Variants in ATP2C2 observed in about 807,000 individuals in gnomAD.
ATP2C2 encodes the protein ATPase secretory pathway Ca2+ transporting 2, also known as calcium-transporting ATPase type 2C member 2.
ATP2C2 carries 171 observed loss-of-function variants against 110.8 expected under a neutral mutation model. The observed-to-expected ratio is 1.54, with a 90% CI of 1.36 to 1.75. The LOEUF is 1.75. Ranked by LOEUF, ATP2C2 falls within the 40% of genes most tolerant of loss-of-function variation. The pLI is 0.00. For missense variants in ATP2C2, 1,963 were observed against 1,235.0 expected (o/e 1.59, Z -8.84); for synonymous variants, 804 against 508.4 (o/e 1.58, Z -7.82).
intron 26 of ATP2C2, 147 bp from the exon 27 acceptor site, chr16:84,463,467 G>A (rs935084884): frequency 1.5e-6 from 1 of 681,326 alleles, no homozygotes; most frequent in South Asian, 1.8e-5. Flanking sequence ...TTCTGGGTTA[G>A]GAAGATCTCC....
At chr16:84,402,073 A>G (rs1044657504) in intron 2 of ATP2C2, among the ~76,000 whole-genome samples, 8 of 151,786 alleles carry the variant, frequency 5.3e-5, no homozygotes, top group African/African-American at 1.7e-4. Flanking sequence ...TAGATATTTA[A>G]TTTGCAGCTG....
rs554752633 is a variant in ATP2C2 at position 84,408,587 on chromosome 16, T to C, written c.417+93T>C. On this transcript the variant is annotated intron_variant, in intron 4 of 26. Transcript: ENST00000262429. ...TTGTATATAAAGAAAAAAAAGAGTT[T>C]GCTGTAGGGGGGAAAAAGGAGCATA... 2.0e-4 allele frequency: 200 copies of C among 998,272 alleles called. 2 individuals are homozygous for C. In the African/African-American group the frequency reaches 3.2e-3, roughly 16 times the overall value. The allele number at this position is 998,272 out of a possible 1,614,324, so 61.8% of individuals were successfully genotyped here.
rs1315503951 is a variant in ATP2C2, at chr16:84,463,973, T to C, written c.*241T>C. On this transcript the variant is annotated 3_prime_UTR_variant, in exon 27 of 27. Transcript: ENST00000262429. The stretch of plus-strand genomic sequence containing the variant: ...AGGGGCCTGTACAGAAACACCACAC[T>C]GTTTATTAAATCACAATGATTTTTA... 1 of 456,498 alleles carries C rather than the reference T, an allele frequency of 2.2e-6. No individual in the cohort carries two copies. Among genetic ancestry groups the C allele is most frequent in the African/African-American group, 1.9e-5 (1 of 51,388 alleles). The allele number at this position is 456,498 out of a possible 1,614,324, so 28.3% of individuals were successfully genotyped here.
Position 84,424,760 on chromosome 16 carries a change from G to A in ATP2C2, c.920-975G>A, listed in dbSNP as rs1267173398. 3.9e-5 allele frequency among the ~76,000 whole-genome samples: 6 copies of A among 152,212 alleles called. No individual in the cohort carries two copies. The East Asian group carries it at 1.2e-3, about 29-fold the overall frequency. On this transcript the variant is annotated intron_variant, in intron 10 of 26. Coordinates refer to ENST00000262429, the MANE Select transcript of ATP2C2 (RefSeq NM_014861.4). ...AATTCCCATGGTGCAAATACTCTCA[G>A]TGTGGCCGTTTTCAAGCTACTAATG...
At chr16:84,462,579 T>G in intron 26 of ATP2C2, 1 of 157,612 alleles carries the variant, frequency 6.3e-6, no homozygotes, top group Non-Finnish European at 1.4e-5. Context: ...AGGGACATGA[T>G]TCAGTCACCG....
chr16:84,461,675 C>T (rs376929341), intron 24 of ATP2C2, 39 bp from the exon 25 acceptor site: 6 of 1,579,070 alleles, frequency 3.8e-6, no homozygotes, highest in East Asian at 2.2e-5. Context: ...GAGGTTGTCT[C>T]TTCCCGCCTA....
chr16:84,459,577 G>T, intron 23 of ATP2C2, 191 bp downstream of exon 23: 2 of 1,536,396 alleles, frequency 1.3e-6, no homozygotes, highest in South Asian at 1.2e-5. Flanking sequence ...GAAAGTACCT[G>T]GGCCGGCAGA....
chr16:84,394,978 G>A (rs1904883332), intron 1 of ATP2C2, among the ~76,000 whole-genome samples: 1 of 152,110 alleles, frequency 6.6e-6, no homozygotes, highest in Non-Finnish European at 1.5e-5. Flanking sequence ...ACGTGCGTCA[G>A]TATTGCATTC....
intron 24 of ATP2C2, chr16:84,461,095 C>CCCTTGTCA (rs1264779082): frequency 5.0e-6 from 2 of 403,916 alleles, no homozygotes; most frequent in African/African-American, 4.0e-5. Context: ...GCCCCCTGTT[C>CCCTTGTCA]CCTTGTCACC....
intron 7 of ATP2C2, among the ~76,000 whole-genome samples, chr16:84,419,523 A>G (rs1907140680): frequency 6.6e-6 from 1 of 152,162 alleles, no homozygotes; most frequent in South Asian, 2.1e-4. Flanking sequence ...CTGTCACCAC[A>G]TCAGAGAACA....
In ATP2C2 at chr16:84,461,822, G is replaced by A. The variant is rs763590348; in HGVS notation, c.2580+10G>A. The A allele has an allele frequency of 2.8e-5, 45 of 1,612,764 alleles. No individual in the cohort carries two copies. The highest frequency in any genetic ancestry group is 3.3e-5 in the South Asian group (3 of 91,056). On this transcript the variant is annotated intron_variant, in intron 25 of 26. Coordinates refer to ENST00000262429, the MANE Select transcript of ATP2C2 (RefSeq NM_014861.4). Reference sequence around the variant, plus strand: ...GACCTGCCGCTCTCAGGTGAGACCCGGGCTGACCCTCCTCGCTGCAGAGCT... The same window carrying A: ...GACCTGCCGCTCTCAGGTGAGACCCAGGCTGACCCTCCTCGCTGCAGAGCT...
intron 1 of ATP2C2, among the ~76,000 whole-genome samples, chr16:84,373,464 C>T (rs924136575): frequency 2.6e-5 from 4 of 152,086 alleles, no homozygotes; most frequent in Non-Finnish European, 2.9e-5. Context: ...TGCGCCACTA[C>T]ACTCCAGCCT....
intron 11 of ATP2C2, among the ~76,000 whole-genome samples, chr16:84,427,869 G>A (rs1379574729): frequency 2.0e-5 from 3 of 152,016 alleles, no homozygotes; most frequent in Non-Finnish European, 4.4e-5. Context: ...TTGATTGTGC[G>A]GATAGGTGCA....
At chr16:84,459,724 A>G (rs187376794) in intron 23 of ATP2C2, 8 of 737,402 alleles carry the variant, frequency 1.1e-5, no homozygotes, top group African/African-American at 7.0e-5. Context: ...CTCCCACTCA[A>G]TCCCCTCACC....
chr16:84,464,051 C>T lies in ATP2C2; in HGVS notation c.*319C>T, dbSNP rs1256239691. ...CCACAGCTTGCAGTGAGGCAGGCCA[C>T]TCGTGGCAGATACAAGGGGCTCCTG... is the stretch of plus-strand genomic sequence containing the variant. On this transcript the variant is annotated 3_prime_UTR_variant, in exon 27 of 27. Transcript: ENST00000262429. The T allele has an allele frequency of 4.5e-6, 1 of 221,226 alleles. No individual in the cohort carries two copies. The highest frequency in any genetic ancestry group is 1.0e-4 in the East Asian group (1 of 9,624). The allele number at this position is 221,226 out of a possible 1,614,324, so 13.7% of individuals were successfully genotyped here. A position where few individuals can be genotyped will look rare whatever the true frequency, so the allele number is the denominator to read the frequency against.
At chr16:84,398,474 A>C (rs1905123477) in intron 1 of ATP2C2, 25 bp from the exon 2 acceptor site, 1 of 1,527,774 alleles carries the variant, frequency 6.5e-7, no homozygotes, top group African/African-American at 1.4e-5. Flanking sequence ...CAATCCGCTA[A>C]ACAGCAACCC....
rs1909025627 is a variant in ATP2C2 at position 84,439,308 on chromosome 16, G to C, written c.1111+18G>C. ...GACTTTAGGTGAGGGACTCCAGCTG[G>C]TGGAATCCTTACACGTGGAATTGAA... On this transcript the variant is annotated intron_variant, in intron 12 of 26. Transcript: ENST00000262429. 1 of 1,613,364 alleles carries C rather than the reference G, an allele frequency of 6.2e-7. No homozygotes were observed. The highest frequency in any genetic ancestry group is 1.3e-5 in the African/African-American group (1 of 74,890).
intron 1 of ATP2C2, among the ~76,000 whole-genome samples, chr16:84,379,783 G>T (rs553575391): frequency 2.0e-5 from 3 of 152,192 alleles, no homozygotes; most frequent in Admixed American, 6.5e-5. Flanking sequence ...ACTGGGTGGG[G>T]CTCATGTTCT....
intron 2 of ATP2C2, among the ~76,000 whole-genome samples, chr16:84,401,208 T>C (rs991534594): frequency 6.7e-6 from 1 of 149,022 alleles, no homozygotes; most frequent in Non-Finnish European, 1.5e-5. Flanking sequence ...TGATCTTAGA[T>C]TGAAGTCTTT....
Sources: gnomAD v4.1 joint callset for allele counts (sites outside exome capture counted in the v4.1 genomes callset) on GRCh38, gnomAD v4.1.1 for gene constraint, MANE v1.5 for transcripts, NCBI Gene and HGNC (gene_info 2026-07-23, HGNC 2026-07-21) for gene names.